The following TBX15 variants were observed in gnomAD, a reference collection of about 807,000 sequenced individuals.
The protein encoded by TBX15 is T-box transcription factor 15.
In TBX15, 18 loss-of-function variants were observed where a neutral mutation model predicts 53.9. The ratio of observed to expected loss-of-function variants is 0.33; its 90% CI spans 0.23 to 0.49. TBX15 has a LOEUF of 0.49. Ranked by LOEUF, TBX15 falls within the 20% of genes least tolerant of loss-of-function variation. The pLI is 0.98. For missense variants in TBX15, 692 were observed against 749.5 expected, an observed-to-expected ratio of 0.92 and a Z score of 0.90; for synonymous variants, 295 against 278.0, an observed-to-expected ratio of 1.06 and a Z score of -0.61.
At chr1:118,922,092 C>A (rs1475157091) in intron 5 of TBX15, among the ~76,000 whole-genome samples, 1 of 152,104 alleles carries the variant, frequency 6.6e-6, no homozygotes, top group African/African-American at 2.4e-5. Flanking sequence ...ATCTGCGCAG[C>A]CAAAGGGAAT....
chr1:118,918,949 G>A (rs1388872448), intron 5 of TBX15, among the ~76,000 whole-genome samples: 2 of 152,010 alleles, frequency 1.3e-5, no homozygotes, highest in Non-Finnish European at 2.9e-5. Flanking sequence ...CCATAGGGGG[G>A]AAAACAAAAC....
intron 1 of TBX15, among the ~76,000 whole-genome samples, chr1:118,980,406 C>G (rs1201600878): frequency 6.6e-6 from 1 of 152,138 alleles, no homozygotes; most frequent in Non-Finnish European, 1.5e-5. Context: ...GAACTCTACT[C>G]GTCATCTGTA....
At chr1:118,912,781 T>C (rs1414582885) in intron 6 of TBX15, among the ~76,000 whole-genome samples, 2 of 152,170 alleles carry the variant, frequency 1.3e-5, no homozygotes, top group Non-Finnish European at 2.9e-5. Flanking sequence ...CTTTGTCTTG[T>C]TATAAACAAA....
intron 7 of TBX15, among the ~76,000 whole-genome samples, chr1:118,885,951 T>G (rs1653928785): frequency 6.6e-6 from 1 of 152,176 alleles, no homozygotes; most frequent in South Asian, 2.1e-4. Context: ...AATATGTATT[T>G]TATTCAAAGG....
chr1:118,895,589 G>T (rs1015923458), intron 7 of TBX15, among the ~76,000 whole-genome samples: 1 of 151,980 alleles, frequency 6.6e-6, no homozygotes. Context: ...AGCATAACTT[G>T]CCTGGTTAGT....
At chr1:118,980,249 G>A (rs1187408755) in intron 1 of TBX15, among the ~76,000 whole-genome samples, 2 of 152,098 alleles carry the variant, frequency 1.3e-5, no homozygotes, top group Non-Finnish European at 2.9e-5. Flanking sequence ...TAAACTACAC[G>A]CTCCCAGCTG....
At chr1:118,894,942 G>T (rs1654370966) in intron 7 of TBX15, among the ~76,000 whole-genome samples, 1 of 152,106 alleles carries the variant, frequency 6.6e-6, no homozygotes, top group Admixed American at 6.5e-5. Flanking sequence ...AAAATTCTAT[G>T]TGATAAGCCA....
chr1:118,930,421 TTTA>T (rs1397895197), intron 2 of TBX15, among the ~76,000 whole-genome samples: 6 of 152,210 alleles, frequency 3.9e-5, no homozygotes, highest in Non-Finnish European at 8.8e-5. Context: ...TGTTTGTTTA[TTTA>T]TTTATTTTTG....
At chr1:118,920,960 A>G (rs1178124200) in intron 5 of TBX15, among the ~76,000 whole-genome samples, 1 of 152,118 alleles carries the variant, frequency 6.6e-6, no homozygotes, top group Non-Finnish European at 1.5e-5. Flanking sequence ...GAATTGCTTG[A>G]GCCCAGGAGT....
chr1:118,985,097 G>A (rs1330393082), intron 1 of TBX15, among the ~76,000 whole-genome samples: 1 of 152,112 alleles, frequency 6.6e-6, no homozygotes, highest in Non-Finnish European at 1.5e-5. Flanking sequence ...GAACGTGTGC[G>A]TGTGTGTTTG....
chr1:118,911,821 C>T (rs1354542298), intron 6 of TBX15, among the ~76,000 whole-genome samples: 1 of 152,102 alleles, frequency 6.6e-6, no homozygotes, highest in African/African-American at 2.4e-5. Context: ...TTTCTACTGC[C>T]CAGAGTGCAT....
chr1:118,893,931 A>C (rs1350465074), intron 7 of TBX15, among the ~76,000 whole-genome samples: 1 of 152,248 alleles, frequency 6.6e-6, no homozygotes, highest in Non-Finnish European at 1.5e-5. Context: ...AAAAATAGTG[A>C]GAAAAATGTG....
rs78138924 is a variant in TBX15 at position 118,934,012 on chromosome 1, G to T, written c.206-2180C>A. Reference sequence around the variant, plus strand: ...ACTACACTAAGAGATAAGTATTAATGGTAGCTAAATTGAGGCTGAGATTGG... The same window carrying T: ...ACTACACTAAGAGATAAGTATTAATTGTAGCTAAATTGAGGCTGAGATTGG... On this transcript the variant is annotated intron_variant, in intron 1 of 7. Transcript: ENST00000369429. Among the ~76,000 whole-genome samples, 1,200 of 152,172 alleles carry T rather than the reference G, an allele frequency of 7.9e-3. 20 individuals are homozygous for T. Among genetic ancestry groups the T allele is most frequent in the African/African-American group, 0.028 (1,143 of 41,498 alleles).
At chr1:118,928,051 C>T (rs1655656309) in intron 2 of TBX15, among the ~76,000 whole-genome samples, 1 of 152,168 alleles carries the variant, frequency 6.6e-6, no homozygotes, top group South Asian at 2.1e-4. Flanking sequence ...AGACCATACC[C>T]TGACCTCAAA....
chr1:118,933,332 G>T (rs1039699596), intron 1 of TBX15, among the ~76,000 whole-genome samples: 1 of 151,966 alleles, frequency 6.6e-6, no homozygotes, highest in Non-Finnish European at 1.5e-5. Context: ...AGATATTCAG[G>T]TTGTTAAAGA....
chr1:118,948,375 C>T (rs551300522), intron 1 of TBX15, among the ~76,000 whole-genome samples: 2 of 152,128 alleles, frequency 1.3e-5, no homozygotes, highest in African/African-American at 4.8e-5. Context: ...TAATTATTTT[C>T]AGCAAAAGAA....
At chr1:118,895,548 T>G (rs975106413) in intron 7 of TBX15, among the ~76,000 whole-genome samples, 7 of 152,186 alleles carry the variant, frequency 4.6e-5, no homozygotes, top group African/African-American at 1.7e-4. Context: ...CTTTTCCTTC[T>G]ATGTTTATAT....
At chr1:118,950,169 G>T (rs1656470720) in intron 1 of TBX15, among the ~76,000 whole-genome samples, 1 of 152,200 alleles carries the variant, frequency 6.6e-6, no homozygotes, top group South Asian at 2.1e-4. Context: ...GTAAAAGACT[G>T]CTCTTCAGTG....
At chr1:118,931,511 G>T in intron 2 of TBX15, 108 bp downstream of exon 2, 2 of 1,176,574 alleles carry the variant, frequency 1.7e-6, no homozygotes, top group South Asian at 2.6e-5. Flanking sequence ...AGTGCAAGCT[G>T]CTTTGGTTTT....
Sources: allele counts gnomAD v4.1 joint callset (sites outside exome capture counted in the v4.1 genomes callset), GRCh38; gene constraint gnomAD v4.1.1; transcripts MANE v1.5; gene names NCBI Gene and HGNC (gene_info 2026-07-23, HGNC 2026-07-21).